PAPOLA: variants seen among roughly 807,000 people sequenced by gnomAD.
PAPOLA encodes the protein polynucleotide adenylyltransferase alpha.
In PAPOLA, 15 loss-of-function variants were observed where a neutral mutation model predicts 100.6. The ratio of observed to expected loss-of-function variants is 0.15; its 90% CI spans 0.10 to 0.23. The LOEUF (loss-of-function observed/expected upper bound fraction) is 0.23. PAPOLA is among the 10% of genes least tolerant of loss of function. PAPOLA has a pLI of 1.00. For synonymous variants in PAPOLA, 293 were observed against 300.0 expected (o/e 0.98, Z 0.24); for missense variants, 533 against 884.2 (o/e 0.60, Z 5.04).
At chr14:96,560,585 C>CATTG in intron 19 of PAPOLA, 64 bp from the exon 20 acceptor site, 2 of 1,006,080 alleles carry the variant, frequency 2.0e-6, no homozygotes, top group Non-Finnish European at 3.1e-6. Context: ...TAAAGTAAAG[C>CATTG]ATTGATTGGC....
intron 16 of PAPOLA, among the ~76,000 whole-genome samples, chr14:96,549,557 C>T (rs924513676): frequency 4.6e-5 from 7 of 152,058 alleles, no homozygotes; most frequent in African/African-American, 1.7e-4. Context: ...CAAAAATTTT[C>T]TTCTTAACCT....
intron 10 of PAPOLA, chr14:96,535,329 A>G: frequency 2.0e-6 from 2 of 985,068 alleles, no homozygotes; most frequent in Non-Finnish European, 2.4e-6. Flanking sequence ...TTTACAACTT[A>G]CTTTGTGGAA....
chr14:96,528,462 C>T (rs965520005), intron 6 of PAPOLA, among the ~76,000 whole-genome samples: 1 of 152,144 alleles, frequency 6.6e-6, no homozygotes, highest in Admixed American at 6.5e-5. Context: ...CTCCTTGCTG[C>T]TTTCGGTGTG....
In PAPOLA at chr14:96,556,191, C is replaced by T. The variant is rs1376799518; in HGVS notation, c.1782C>T (p.Ser594=). 6.2e-7 allele frequency: 1 copy of T among 1,613,820 alleles called. No individual in the cohort carries two copies. Among genetic ancestry groups the T allele is most frequent in the Admixed American group, 1.7e-5 (1 of 60,014 alleles). Residue 594 remains serine, a synonymous_variant, in exon 19 of 22, where the codon AGC becomes AGT. Transcript: ENST00000216277. ...SESSGGTSSE[S]IPQTATQPAI... is the part of the protein sequence containing the mutation. Reference sequence around the variant, plus strand: ...GCTGCTTAGGTACATCGAGTGAAAGCATTCCTCAAACTGCCACACAACCAG... The same window carrying T: ...GCTGCTTAGGTACATCGAGTGAAAGTATTCCTCAAACTGCCACACAACCAG...
chr14:96,523,787 A>G (rs1313299714), intron 3 of PAPOLA, among the ~76,000 whole-genome samples: 1 of 152,162 alleles, frequency 6.6e-6, no homozygotes, highest in East Asian at 1.9e-4. Context: ...TACTAAAAAT[A>G]CAAAAATTAG....
At chr14:96,510,868 T>A (rs188510758) in intron 1 of PAPOLA, among the ~76,000 whole-genome samples, 9 of 152,362 alleles carry the variant, frequency 5.9e-5, no homozygotes, top group Admixed American at 5.9e-4. Context: ...GCTACTATCA[T>A]GCCGTATACC....
At chr14:96,516,343 C>T (rs968639053) in intron 1 of PAPOLA, among the ~76,000 whole-genome samples, 1 of 151,528 alleles carries the variant, frequency 6.6e-6, no homozygotes, top group Non-Finnish European at 1.5e-5. Flanking sequence ...CTTTCCTTCC[C>T]TTTCCTTCCC....
At chr14:96,517,698 CTTTTTTTT>C (rs774296764) in intron 1 of PAPOLA, among the ~76,000 whole-genome samples, 1 of 121,870 alleles carries the variant, frequency 8.2e-6, no homozygotes, top group Admixed American at 8.4e-5. Flanking sequence ...TCAGCAAATG[CTTTTTTTT>C]TTTTTTTTTT....
At chr14:96,508,417 T>C (rs1896882085) in intron 1 of PAPOLA, among the ~76,000 whole-genome samples, 1 of 152,252 alleles carries the variant, frequency 6.6e-6, no homozygotes, top group South Asian at 2.1e-4. Context: ...TGTTCTGCCT[T>C]AAACATGTTT....
Position 96,566,979 on chromosome 14 carries a change from A to T in PAPOLA, c.*1929A>T, listed in dbSNP as rs941329673. On this transcript the variant is annotated 3_prime_UTR_variant, in exon 22 of 22. Coordinates refer to ENST00000216277, the MANE Select transcript of PAPOLA (RefSeq NM_032632.5). ...GAGATCAGACTGTTGCTTTCGCATG[A>T]TGTATGTAGTGTCTCATGACTGGAG... 6.6e-6 allele frequency: 1 copy of T among 152,512 alleles called. No individual in the cohort carries two copies. The highest frequency in any genetic ancestry group is 2.4e-5 in the African/African-American group (1 of 41,424). The allele number at this position is 152,512 out of a possible 1,614,324, so 9.4% of individuals were successfully genotyped here.
In PAPOLA at chr14:96,532,504, T is replaced by C. The variant is rs1468763052; in HGVS notation, c.698-7T>C. ...AACTTATCTTTTTGCTTTTCCCTTA[T>C]CAACAGGCCACAACATCTATTCCAA... On this transcript the variant is annotated splice_polypyrimidine_tract_variant and splice_region_variant and intron_variant, in intron 8 of 21. Transcript: ENST00000216277. 2 of 1,606,668 alleles carry C rather than the reference T, an allele frequency of 1.2e-6. No individual in the cohort carries two copies. Among genetic ancestry groups the C allele is most frequent in the African/African-American group, 1.3e-5 (1 of 74,312 alleles).
Position 96,520,180 on chromosome 14 carries a change from C to T in PAPOLA, c.134C>T (p.Thr45Ile). 1 of 1,613,856 alleles carries T rather than the reference C, an allele frequency of 6.2e-7. No homozygotes were observed. The highest frequency in any genetic ancestry group is 8.5e-7 in the Non-Finnish European group (1 of 1,179,812). ...GTACTTACACAGAAACTAATTGAGA[C>T]ATTGAAACCCTTTGGGGTTTTTGAA... Reference protein sequence around the residue: ...DCVLTQKLIETLKPFGVFEEE... With the variant: ...DCVLTQKLIEILKPFGVFEEE... Residue 45 changes from threonine (T) to isoleucine (I), a missense_variant, in exon 2 of 22, where the codon ACA (threonine) becomes ATA (isoleucine). Transcript: ENST00000216277.
intron 16 of PAPOLA, among the ~76,000 whole-genome samples, chr14:96,550,836 T>C (rs572506642): frequency 6.6e-6 from 1 of 152,344 alleles, no homozygotes; most frequent in African/African-American, 2.4e-5. Flanking sequence ...ATGAATGTTT[T>C]GTTTGGACTC....
rs953500425 is a variant in PAPOLA, at chr14:96,565,204, C to G, written c.*154C>G. The G allele has an allele frequency of 7.0e-6, 4 of 567,436 alleles. No homozygotes were observed. The highest frequency in any genetic ancestry group is 9.6e-6 in the Non-Finnish European group (3 of 311,312). 35.2% of individuals were successfully genotyped at this position (567,436 alleles called of 1,614,324 possible). On this transcript the variant is annotated 3_prime_UTR_variant, in exon 22 of 22. Coordinates refer to ENST00000216277, the MANE Select transcript of PAPOLA (RefSeq NM_032632.5). Reference sequence around the variant, plus strand: ...CTTACTGGGCTAATCAGCACTTGATCGGAAGTCCAGGTTAGTATGTGAAGC... The same window carrying G: ...CTTACTGGGCTAATCAGCACTTGATGGGAAGTCCAGGTTAGTATGTGAAGC...
intron 20 of PAPOLA, among the ~76,000 whole-genome samples, chr14:96,561,730 C>G (rs1285902623): frequency 1.3e-5 from 2 of 151,894 alleles, no homozygotes; most frequent in African/African-American, 4.8e-5. Flanking sequence ...GTTTGGTATA[C>G]ATCACCAAGT....
chr14:96,552,915 T>C (rs1303264745), intron 17 of PAPOLA: 16 of 316,346 alleles, frequency 5.1e-5, no homozygotes, highest in Non-Finnish European at 2.4e-5. Flanking sequence ...TACAGTGCAC[T>C]GTATGGTGTG....
intron 11 of PAPOLA, 180 bp from the exon 12 acceptor site, chr14:96,536,796 C>CT (rs924131965): frequency 4.2e-5 from 18 of 427,038 alleles, no homozygotes; most frequent in Admixed American, 3.8e-4. Context: ...AATCTTCCAG[C>CT]TTTTTAAAAA....
intron 12 of PAPOLA, among the ~76,000 whole-genome samples, chr14:96,540,855 A>G (rs972062082): frequency 4.6e-5 from 7 of 152,224 alleles, no homozygotes; most frequent in African/African-American, 1.7e-4. Flanking sequence ...AGAATTGCCT[A>G]GGATTACATA....
At chr14:96,551,301 T>A (rs925588836) in intron 16 of PAPOLA, among the ~76,000 whole-genome samples, 1 of 152,204 alleles carries the variant, frequency 6.6e-6, no homozygotes, top group African/African-American at 2.4e-5. Flanking sequence ...TATAATTTAC[T>A]TACTGAATAA....
Sources: allele counts gnomAD v4.1 joint callset (sites outside exome capture counted in the v4.1 genomes callset), GRCh38; gene constraint gnomAD v4.1.1; transcripts MANE v1.5; gene names NCBI Gene and HGNC (gene_info 2026-07-23, HGNC 2026-07-21).